ENTREP2: variants seen among roughly 807,000 people sequenced by gnomAD.
ENTREP2 encodes endosomal transmembrane epsin interactor 2, also known as protein ENTREP2.
At chr15:29,589,634 T>C in the ENTREP2 span, among the ~76,000 whole-genome samples, 1 of 152,232 alleles carries the variant, frequency 6.6e-6, no homozygotes. Flanking sequence ...CTCTGCAGCC[T>C]TTTAGATGCT....
chr15:29,194,343 T>G, the ENTREP2 span, among the ~76,000 whole-genome samples: 7 of 152,196 alleles, frequency 4.6e-5, no homozygotes, highest in African/African-American at 1.7e-4. Flanking sequence ...TGCTGCCACT[T>G]CCAGACCATT....
At chr15:29,456,347 G>T in the ENTREP2 span, among the ~76,000 whole-genome samples, 4 of 152,206 alleles carry the variant, frequency 2.6e-5, no homozygotes, top group Non-Finnish European at 5.9e-5. Flanking sequence ...TGACTGCATG[G>T]AAGAGGAGGG....
At chr15:29,565,818 G>A in the ENTREP2 span, among the ~76,000 whole-genome samples, 1 of 152,006 alleles carries the variant, frequency 6.6e-6, no homozygotes, top group Admixed American at 6.6e-5. Context: ...AAAATTAGCA[G>A]GGTGTGGTGG....
the ENTREP2 span, among the ~76,000 whole-genome samples, chr15:29,134,444 G>C: frequency 1.3e-5 from 2 of 152,192 alleles, no homozygotes; most frequent in African/African-American, 4.8e-5. Flanking sequence ...GCTGCTTGGG[G>C]ACTGTCTGCT....
At chr15:29,195,944 G>A in the ENTREP2 span, among the ~76,000 whole-genome samples, 5 of 151,996 alleles carry the variant, frequency 3.3e-5, no homozygotes, top group Admixed American at 2.0e-4. Context: ...TAAAACACTC[G>A]GAAGAAAAAA....
At chr15:29,344,203 C>T in the ENTREP2 span, among the ~76,000 whole-genome samples, 1 of 152,208 alleles carries the variant, frequency 6.6e-6, no homozygotes, top group Non-Finnish European at 1.5e-5. Context: ...GGAGACTTTC[C>T]AGGGAACAGG....
At chr15:29,641,124 T>C in the ENTREP2 span, among the ~76,000 whole-genome samples, 1 of 152,326 alleles carries the variant, frequency 6.6e-6, no homozygotes, top group South Asian at 2.1e-4. Context: ...TTTAATACTC[T>C]TTCATAATTT....
chr15:29,633,481 T>C, the ENTREP2 span, among the ~76,000 whole-genome samples: 1 of 151,766 alleles, frequency 6.6e-6, no homozygotes, highest in African/African-American at 2.4e-5. Context: ...CATTGAAATG[T>C]ATTTGGTATG....
chr15:29,247,917 C>G, the ENTREP2 span, among the ~76,000 whole-genome samples: 1 of 152,220 alleles, frequency 6.6e-6, no homozygotes, highest in Admixed American at 6.5e-5. Context: ...CTGGCAAGTT[C>G]AGGGTTCCCA....
the ENTREP2 span, chr15:29,121,536 G>C: frequency 6.6e-6 from 1 of 152,238 alleles, no homozygotes; most frequent in Non-Finnish European, 1.5e-5. Flanking sequence ...AGGCGTGGCT[G>C]AAGCTCGGCT....
the ENTREP2 span, among the ~76,000 whole-genome samples, chr15:29,128,498 A>G: frequency 5.3e-5 from 8 of 152,182 alleles, no homozygotes; most frequent in African/African-American, 1.9e-4. Flanking sequence ...CTTCAAATCC[A>G]TATCCCTCAA....
chr15:29,209,768 ACT>A, the ENTREP2 span, among the ~76,000 whole-genome samples: 1 of 152,066 alleles, frequency 6.6e-6, no homozygotes, highest in Non-Finnish European at 1.5e-5. Context: ...GCTCTCGGGG[ACT>A]GAGTTTCCCT....
At chr15:29,330,403 C>T in the ENTREP2 span, among the ~76,000 whole-genome samples, 1 of 152,016 alleles carries the variant, frequency 6.6e-6, no homozygotes, top group Non-Finnish European at 1.5e-5. Context: ...GAGCCGAGAT[C>T]ACGCCACTGC....
chr15:29,490,557 T>G, the ENTREP2 span, among the ~76,000 whole-genome samples: 1,127 of 152,318 alleles, frequency 7.4e-3, 8 homozygotes, highest in African/African-American at 0.026. Flanking sequence ...TTGGTCTGTT[T>G]TGACAGGGTG....
chr15:29,473,823 C>T, the ENTREP2 span, among the ~76,000 whole-genome samples: 2 of 152,184 alleles, frequency 1.3e-5, no homozygotes, highest in Admixed American at 6.5e-5. Flanking sequence ...CCCCATCTCC[C>T]GGGCTGAATG....
chr15:29,175,954 A>T, the ENTREP2 span, among the ~76,000 whole-genome samples: 1 of 152,188 alleles, frequency 6.6e-6, no homozygotes, highest in African/African-American at 2.4e-5. Flanking sequence ...GTCCTCTCTC[A>T]TGACTACTTC....
At chr15:29,355,121 A>G in the ENTREP2 span, among the ~76,000 whole-genome samples, 2 of 152,130 alleles carry the variant, frequency 1.3e-5, no homozygotes, top group South Asian at 4.1e-4. Flanking sequence ...CTACGAATTC[A>G]GGTCTCACTC....
the ENTREP2 span, among the ~76,000 whole-genome samples, chr15:29,554,314 C>CAA: frequency 2.4e-4 from 16 of 68,054 alleles, no homozygotes; most frequent in Middle Eastern, 0.013. Context: ...GACTCCGTCT[C>CAA]AAAAAAAAAA....
At chr15:29,479,686 C>CAT in the ENTREP2 span, among the ~76,000 whole-genome samples, 3 of 39,400 alleles carry the variant, frequency 7.6e-5, no homozygotes, top group African/African-American at 4.4e-4. Context: ...CACATACATA[C>CAT]ACACACACAC....
Sources: allele counts gnomAD v4.1 joint callset (sites outside exome capture counted in the v4.1 genomes callset), GRCh38; gene constraint gnomAD v4.1.1; transcripts MANE v1.5; gene names NCBI Gene and HGNC (gene_info 2026-07-23, HGNC 2026-07-21).